The following INTU variants were observed in gnomAD, a reference collection of about 807,000 sequenced individuals.
INTU encodes protein inturned.
INTU carries 68 observed loss-of-function variants against 100.5 expected under a neutral mutation model. That is an observed-to-expected ratio of 0.68 (90% CI 0.56 to 0.83). The LOEUF is 0.83. Among genes scored for constraint, INTU ranks in the 40% least tolerant of loss-of-function variants. The probability of loss-of-function intolerance (pLI) is 0.00; values close to 1 mark genes in which losing one functional copy is unlikely to be tolerated. For synonymous variants in INTU, 357 were observed against 395.7 expected (o/e 0.90, Z 1.16); for missense variants, 1,071 against 1,114.7 (o/e 0.96, Z 0.56).
chr4:127,696,386 A>G (rs1254643082), intron 8 of INTU, among the ~76,000 whole-genome samples: 3 of 152,094 alleles, frequency 2.0e-5, no homozygotes, highest in African/African-American at 4.8e-5. Flanking sequence ...ATAAGTATAG[A>G]CCAATTTATA....
chr4:127,709,984 C>A (rs1234743005), intron 13 of INTU, among the ~76,000 whole-genome samples: 1 of 151,954 alleles, frequency 6.6e-6, no homozygotes, highest in Non-Finnish European at 1.5e-5. Flanking sequence ...AAATTGGAAC[C>A]AAACCTTTTA....
In INTU at chr4:127,706,469, T is replaced by C. The variant is rs111588703; in HGVS notation, c.1789-18T>C. On this transcript the variant is annotated intron_variant, in intron 11 of 15. Coordinates refer to ENST00000335251, the MANE Select transcript of INTU (RefSeq NM_015693.4). ...TTCATGGTAGCTAAACCTACATTTG[T>C]AATTTTTTTCCCTATAGAAACATTA... is the stretch of plus-strand genomic sequence containing the variant. 1 of 1,578,164 alleles carries C rather than the reference T, an allele frequency of 6.3e-7. No homozygotes were observed. The highest frequency in any genetic ancestry group is 1.4e-5 in the African/African-American group (1 of 73,576).
In INTU at chr4:127,718,164, G is replaced by A. The variant is rs759903570; in HGVS notation, c.*1728G>A. ...ATTCTATCTTAATTTTTTGTATAAGGTATGAGGAATGGGTCCAGTTTCTAT... is the reference window on the plus strand; with the variant it reads ...ATTCTATCTTAATTTTTTGTATAAGATATGAGGAATGGGTCCAGTTTCTAT... On this transcript the variant is annotated 3_prime_UTR_variant, in exon 16 of 16. Transcript: ENST00000335251. 1.3e-5 allele frequency: 2 copies of A among 152,060 alleles called. No individual in the cohort carries two copies. The highest frequency in any genetic ancestry group is 4.8e-5 in the African/African-American group (2 of 41,418). 9.4% of individuals were successfully genotyped at this position (152,060 alleles called of 1,614,324 possible). A position where few individuals can be genotyped will look rare whatever the true frequency, so the allele number is the denominator to read the frequency against.
At chr4:127,640,561 A>AGTCTTTTGGG (rs1727274296) in intron 1 of INTU, among the ~76,000 whole-genome samples, 1 of 64,970 alleles carries the variant, frequency 1.5e-5, no homozygotes. Flanking sequence ...ATATATATAT[A>AGTCTTTTGGG]TATATATATA....
intron 8 of INTU, among the ~76,000 whole-genome samples, chr4:127,688,885 T>C (rs939303020): frequency 6.6e-6 from 1 of 152,144 alleles, no homozygotes; most frequent in Non-Finnish European, 1.5e-5. Context: ...TTTTTTGTCC[T>C]TAGCTCTATC....
chr4:127,652,205 C>T, intron 2 of INTU, among the ~76,000 whole-genome samples: 1 of 126,378 alleles, frequency 7.9e-6, no homozygotes, highest in Middle Eastern at 3.4e-3. Context: ...ATTGAATACC[C>T]TTTATTTCCT....
At chr4:127,658,382 T>C (rs1728330705) in intron 3 of INTU, among the ~76,000 whole-genome samples, 1 of 152,170 alleles carries the variant, frequency 6.6e-6, no homozygotes, top group Admixed American at 6.5e-5. Flanking sequence ...CAGCCAGCCA[T>C]GGTGCTAGAG....
rs1000422839 is a variant in INTU, at chr4:127,643,947, G to A, written c.573G>A (p.Gln191=). The A allele has an allele frequency of 1.9e-6, 3 of 1,614,180 alleles. No individual in the cohort carries two copies. Among genetic ancestry groups the A allele is most frequent in the Non-Finnish European group, 2.5e-6 (3 of 1,180,036 alleles). ...LLEVLVGIIH[Q]TKWSWRRTGK... ...AAGTGCTGGTTGGAATTATTCATCA[G>A]ACCAAGTGGAGCTGGAGAAGAACCG... is the stretch of plus-strand genomic sequence containing the variant. Residue 191 remains glutamine (Q), a synonymous_variant, in exon 2 of 16, where the codon CAG becomes CAA. Transcript: ENST00000335251.
chr4:127,635,875 A>G (rs1048197221), intron 1 of INTU, among the ~76,000 whole-genome samples: 3 of 152,164 alleles, frequency 2.0e-5, no homozygotes, highest in Admixed American at 1.3e-4. Flanking sequence ...CTAAAGTTTC[A>G]TAAAGATGGA....
rs869116277 is a variant in INTU, at chr4:127,640,542, CATATATATATATATATATATATATAT to C, written c.147-2955_147-2930del. On this transcript the variant is annotated intron_variant, in intron 1 of 15. Coordinates refer to ENST00000335251, the MANE Select transcript of INTU (RefSeq NM_015693.4). ...TGGTATAGTCTTTTGGGTAAAGATA[CATATATATATATATATATATATATAT>C]ATATATATATATATATATATATACA... Among the ~76,000 whole-genome samples the C allele has an allele frequency of 9.9e-4, 53 of 53,638 alleles. 2 individuals are homozygous for C. Among genetic ancestry groups the C allele is most frequent in the East Asian group, 4.3e-3 (6 of 1,404 alleles). The allele number at this position is 53,638 out of a possible 152,430, so 35.2% of individuals were successfully genotyped here. A position where few individuals can be genotyped will look rare whatever the true frequency, so the allele number is the denominator to read the frequency against.
intron 1 of INTU, among the ~76,000 whole-genome samples, chr4:127,634,637 A>G (rs927381915): frequency 6.6e-6 from 1 of 152,254 alleles, no homozygotes; most frequent in African/African-American, 2.4e-5. Context: ...AAAAATGATC[A>G]TTAAGCTTTT....
intron 6 of INTU, among the ~76,000 whole-genome samples, chr4:127,682,197 G>A (rs1044576401): frequency 8.6e-5 from 13 of 152,042 alleles, no homozygotes; most frequent in African/African-American, 3.1e-4. Context: ...TCAGTGTGGC[G>A]ATTGCTCAGG....
chr4:127,647,081 C>T (rs1223443121), intron 2 of INTU, among the ~76,000 whole-genome samples: 2 of 152,190 alleles, frequency 1.3e-5, no homozygotes, highest in East Asian at 3.9e-4. Flanking sequence ...TTTTTCCTAA[C>T]TGACCTCCAG....
chr4:127,706,619 C>T lies in INTU; in HGVS notation c.1921C>T (p.Arg641Cys), dbSNP rs757349488. 2 of 1,614,056 alleles carry T rather than the reference C, an allele frequency of 1.2e-6. No homozygotes were observed. Among genetic ancestry groups the T allele is most frequent in the East Asian group, 4.5e-5 (2 of 44,876 alleles). ...TCACCAGCTGGATGGAGTAGATTCT[C>T]GCATAGATGAACGGCTAGCATCTTC... ...TLHQLDGVDS[R>C]IDERLASSPV... Residue 641 changes from arginine (R) to cysteine (C), a missense_variant, in exon 12 of 16, where the codon CGC becomes TGC. By Grantham distance (180) the Arg-to-Cys change is radical. Coordinates refer to ENST00000335251, the MANE Select transcript of INTU (RefSeq NM_015693.4).
chr4:127,651,027 T>G (rs1165988541), intron 2 of INTU, among the ~76,000 whole-genome samples: 2 of 152,194 alleles, frequency 1.3e-5, no homozygotes, highest in African/African-American at 2.4e-5. Flanking sequence ...TTTTGAGAAG[T>G]GTCTGTTCAT....
intron 6 of INTU, among the ~76,000 whole-genome samples, chr4:127,676,412 C>G (rs1729183959): frequency 6.6e-6 from 1 of 151,876 alleles, no homozygotes; most frequent in African/African-American, 2.4e-5. Context: ...ATGGTGAAAC[C>G]CCGTCTCTTC....
In INTU at chr4:127,643,539, G is replaced by A; in HGVS notation, c.165G>A (p.Trp55Ter). The A allele has an allele frequency of 6.2e-7, 1 of 1,600,570 alleles. No homozygotes were observed. Among genetic ancestry groups the A allele is most frequent in the South Asian group, 1.1e-5 (1 of 89,036 alleles). Residue 55 changes from tryptophan (W) to a stop codon, truncating the protein, a stop_gained, in exon 2 of 16, where the codon TGG becomes TGA. Transcript: ENST00000335251. LOFTEE classifies it high-confidence loss of function. ...SSDYDDLEPE[W>*]LDSVQKNGEL... The stretch of plus-strand genomic sequence containing the variant: ...TTCATAGTGATCTTGAGCCTGAATG[G>A]CTGGACAGTGTGCAGAAAAATGGAG...
At chr4:127,649,531 A>C (rs1727738919) in intron 2 of INTU, among the ~76,000 whole-genome samples, 1 of 151,550 alleles carries the variant, frequency 6.6e-6, no homozygotes, top group Non-Finnish European at 1.5e-5. Context: ...TTAATATTGC[A>C]TTATACTTAC....
chr4:127,668,620 C>G (rs1728794617), intron 4 of INTU, among the ~76,000 whole-genome samples: 1 of 151,646 alleles, frequency 6.6e-6, no homozygotes, highest in Non-Finnish European at 1.5e-5. Context: ...TTTAAAGACT[C>G]TTAATAGTTA....
Sources: allele counts gnomAD v4.1 joint callset (sites outside exome capture counted in the v4.1 genomes callset), GRCh38; gene constraint gnomAD v4.1.1; transcripts MANE v1.5; gene names NCBI Gene and HGNC (gene_info 2026-07-23, HGNC 2026-07-21).